Variants in PTP4A1 observed in about 807,000 individuals in gnomAD.
The protein encoded by PTP4A1 is protein tyrosine phosphatase 4A1.
In PTP4A1, 9 loss-of-function variants were observed where a neutral mutation model predicts 20.5. That is an observed-to-expected ratio of 0.44 (90% CI 0.26 to 0.77). PTP4A1 has a LOEUF of 0.77. Ranked by LOEUF, PTP4A1 falls within the 30% of genes least tolerant of loss-of-function variation. The pLI, the probability that PTP4A1 is intolerant of heterozygous loss-of-function variation, is 0.19. For missense variants in PTP4A1, 137 were observed against 218.8 expected, an observed-to-expected ratio of 0.63 and a Z score of 2.36; for synonymous variants, 78 against 67.4, an observed-to-expected ratio of 1.16 and a Z score of -0.77.
At chr6:63,525,246 T>C (rs539525381) in intron 1 of PTP4A1, among the ~76,000 whole-genome samples, 1 of 152,208 alleles carries the variant, frequency 6.6e-6, no homozygotes, top group Non-Finnish European at 1.5e-5. Context: ...ATTAGTACTC[T>C]TTCAGGATCA....
At chr6:63,577,331 G>A (rs537200149) in intron 2 of PTP4A1, among the ~76,000 whole-genome samples, 1 of 152,250 alleles carries the variant, frequency 6.6e-6, no homozygotes, top group South Asian at 2.1e-4. Flanking sequence ...CCATAAACCA[G>A]TTGGTTTTTC....
At chr6:63,556,526 G>T (rs1298708731) in intron 3 of PTP4A1, among the ~76,000 whole-genome samples, 2 of 152,114 alleles carry the variant, frequency 1.3e-5, no homozygotes, top group African/African-American at 4.8e-5. Flanking sequence ...CCCTAGGTGT[G>T]CCTTGTTAGG....
chr6:63,518,589 T>C (rs1187702684), upstream of PTP4A1, among the ~76,000 whole-genome samples: 6 of 152,134 alleles, frequency 3.9e-5, no homozygotes. Flanking sequence ...AGAAATGTAA[T>C]GCTCAGTGAT....
upstream of PTP4A1, chr6:63,571,567 A>G (rs1777426709): frequency 6.6e-6 from 1 of 152,262 alleles, no homozygotes; most frequent in South Asian, 2.1e-4. Context: ...TTTGACGCAA[A>G]GAATTACATC....
chr6:63,557,588 A>G (rs1281530365), intron 3 of PTP4A1, among the ~76,000 whole-genome samples: 1 of 152,136 alleles, frequency 6.6e-6, no homozygotes, highest in Non-Finnish European at 1.5e-5. Flanking sequence ...ATATAAATTA[A>G]TACTAGGTTT....
upstream of PTP4A1, among the ~76,000 whole-genome samples, chr6:63,519,851 T>C (rs1774859187): frequency 6.6e-6 from 1 of 152,210 alleles, no homozygotes; most frequent in African/African-American, 2.4e-5. Flanking sequence ...CATCAATTTA[T>C]CAATAAAAAC....
chr6:63,564,653 T>G (rs1777111156), intron 3 of PTP4A1, among the ~76,000 whole-genome samples: 1 of 152,188 alleles, frequency 6.6e-6, no homozygotes, highest in Admixed American at 6.6e-5. Context: ...TTATTTATAC[T>G]CCATTCCCTT....
At chr6:63,579,931 T>C (rs2149517873) in intron 5 of PTP4A1, 126 bp from the exon 6 acceptor site, 4 of 688,594 alleles carry the variant, frequency 5.8e-6, no homozygotes, top group Middle Eastern at 2.5e-4. Flanking sequence ...CCTTTCTGCA[T>C]CAGGTCACAG....
chr6:63,538,636 G>A (rs542701744), intron 2 of PTP4A1, among the ~76,000 whole-genome samples: 7 of 152,056 alleles, frequency 4.6e-5, no homozygotes, highest in Non-Finnish European at 8.8e-5. Context: ...AGTTGAGATT[G>A]CAAAAGAGAT....
At chr6:63,564,373 C>T (rs1056210249) in intron 3 of PTP4A1, among the ~76,000 whole-genome samples, 12 of 151,886 alleles carry the variant, frequency 7.9e-5, no homozygotes, top group African/African-American at 1.9e-4. Flanking sequence ...TAGAAATACA[C>T]GAAGATAGCA....
intron 1 of PTP4A1, among the ~76,000 whole-genome samples, chr6:63,575,156 G>A (rs560331072): frequency 1.3e-5 from 2 of 152,276 alleles, no homozygotes; most frequent in Non-Finnish European, 1.5e-5. Context: ...GGTGTAAAAT[G>A]GAAATGGGAG....
chr6:63,529,111 ATATATATATGTATATATATGTGTGTG>A (rs1326484037), intron 2 of PTP4A1, among the ~76,000 whole-genome samples: 33 of 146,548 alleles, frequency 2.3e-4, no homozygotes, highest in African/African-American at 8.3e-4. Flanking sequence ...ATGTGTGTAT[ATATATATATGTATATATATGTGTGTG>A]TATATATATA....
intron 3 of PTP4A1, among the ~76,000 whole-genome samples, chr6:63,553,748 T>C (rs1423788251): frequency 1.3e-5 from 2 of 152,168 alleles, no homozygotes; most frequent in Admixed American, 6.5e-5. Context: ...TAAAATTCAC[T>C]GAAGGATTGT....
intron 3 of PTP4A1, 77 bp from the exon 4 acceptor site, chr6:63,578,821 C>A: frequency 7.6e-7 from 1 of 1,316,684 alleles, no homozygotes; most frequent in Non-Finnish European, 1.0e-6. Context: ...GAAAACATTT[C>A]CATGTTAGAA....
chr6:63,530,769 C>T (rs76857311), intron 2 of PTP4A1, among the ~76,000 whole-genome samples: 2,619 of 152,112 alleles, frequency 0.017, 45 homozygotes, highest in South Asian at 0.068. Flanking sequence ...TTTCTTATTC[C>T]TAGTCTTCTG....
At chr6:63,579,182 G>C (rs1778061528) in intron 4 of PTP4A1, 75 bp from the exon 5 acceptor site, 2 of 1,472,198 alleles carry the variant, frequency 1.4e-6, no homozygotes, top group African/African-American at 2.8e-5. Context: ...TTCTGAGTTG[G>C]GGAATGTTTG....
intron 3 of PTP4A1, among the ~76,000 whole-genome samples, chr6:63,553,666 A>G (rs565358551): frequency 6.6e-6 from 1 of 152,340 alleles, no homozygotes; most frequent in Admixed American, 6.5e-5. Context: ...TGATTGCATT[A>G]TCACTGATTA....
At chr6:63,558,131 A>G (rs762656462) in intron 3 of PTP4A1, among the ~76,000 whole-genome samples, 1 of 152,094 alleles carries the variant, frequency 6.6e-6, no homozygotes, top group Non-Finnish European at 1.5e-5. Flanking sequence ...CGGCCTCCCA[A>G]AGTGCTGGGA....
At chr6:63,553,447 C>T (rs755179557) in intron 3 of PTP4A1, among the ~76,000 whole-genome samples, 3 of 152,164 alleles carry the variant, frequency 2.0e-5, no homozygotes, top group Admixed American at 6.6e-5. Context: ...TTATAAATAA[C>T]CAGTTACATG....
Sources: gnomAD v4.1 joint callset for allele counts (sites outside exome capture counted in the v4.1 genomes callset) on GRCh38, gnomAD v4.1.1 for gene constraint, MANE v1.5 for transcripts, NCBI Gene and HGNC (gene_info 2026-07-23, HGNC 2026-07-21) for gene names.